Variants in HAPLN3 observed in about 807,000 individuals in gnomAD.
HAPLN3 encodes the protein hyaluronan and proteoglycan link protein 3, also known as extracellular link domain containing, 1.
Under a neutral mutation model 28.1 loss-of-function variants are expected in HAPLN3, and 28 were observed. The observed-to-expected ratio is 1.00, with a 90% CI of 0.74 to 1.37. The LOEUF is 1.37. HAPLN3 is among the 40% of genes most tolerant of loss of function. The pLI is 0.00. For missense variants in HAPLN3, 513 were observed against 504.6 expected, an observed-to-expected ratio of 1.02 and a Z score of -0.16; for synonymous variants, 211 against 213.1, an observed-to-expected ratio of 0.99 and a Z score of 0.09.
At position 88,879,083 on chromosome 15, in the gene HAPLN3, A is replaced by G. The variant is rs1185105280; in HGVS notation, c.680T>C (p.Met227Thr). The stretch of plus-strand genomic sequence containing the variant: ...GCCACCGCAGGGCTGCCGGGGCAAC[A>G]TGATGGGGTACTGCACCGTGGCATC... ...LQDATVQYPIMLPRQPCGGPG... is the reference protein window; with the variant it reads ...LQDATVQYPITLPRQPCGGPG... The change falls in exon 4 of 5, where the codon ATG becomes ACG. Residue 227 changes from methionine (M) to threonine (T), a missense_variant. Transcript: ENST00000359595. The surrounding 1 kb of genome is among the most constrained non-coding windows in gnomAD (Gnocchi z 5.0). The G allele has an allele frequency of 1.7e-5, 27 of 1,610,254 alleles. No individual in the cohort carries two copies. Among genetic ancestry groups the G allele is most frequent in the Non-Finnish European group, 2.3e-5 (27 of 1,178,272 alleles).
Position 88,881,634 on chromosome 15 carries a change from G to T in HAPLN3, c.216C>A (p.Tyr72Ter), listed in dbSNP as rs1373752600. ...GGGAGACCAGGGCCGGCTCGTAGCG[G>T]TAGCGGCAGGGCAGGATCACACTGG... ...QGASVILPCR[Y>*]RYEPALVSPR... The change falls in exon 3 of 5, where the codon TAC becomes TAA. Residue 72 changes from tyrosine (Y) to a stop codon, truncating the protein, a stop_gained. Coordinates refer to ENST00000359595, the MANE Select transcript of HAPLN3 (RefSeq NM_178232.4). LOFTEE classifies it high-confidence loss of function. This position sits in a 1 kb window ranked among gnomAD's most constrained non-coding sequence, Gnocchi z 6.0. The T allele has an allele frequency of 4.3e-6, 7 of 1,614,016 alleles. No individual in the cohort carries two copies. Among genetic ancestry groups the T allele is most frequent in the Non-Finnish European group, 5.9e-6 (7 of 1,180,042 alleles).
At position 88,881,356 on chromosome 15, in the gene HAPLN3, C is replaced by T; in HGVS notation, c.493+1G>A. 6.2e-7 allele frequency: 1 copy of T among 1,608,392 alleles called. No individual in the cohort carries two copies. The highest frequency in any genetic ancestry group is 8.5e-7 in the Non-Finnish European group (1 of 1,177,128). On this transcript the variant is annotated splice_donor_variant, in intron 3 of 4. Transcript: ENST00000359595. LOFTEE classifies it high-confidence loss of function. The surrounding 1 kb of genome is among the most constrained non-coding windows in gnomAD (Gnocchi z 6.0). The stretch of plus-strand genomic sequence containing the variant: ...TCACCCAGTCCCCGTTAGCATCTCA[C>T]CCCGCAGCTCCAGCTCCACCAGACC...
intron 2 of HAPLN3, among the ~76,000 whole-genome samples, chr15:88,886,372 T>C (rs1180733655): frequency 6.8e-6 from 1 of 147,166 alleles, no homozygotes; most frequent in Non-Finnish European, 1.5e-5. Flanking sequence ...AAAAAAGGTA[T>C]ATTTTCACCC....
intron 2 of HAPLN3, among the ~76,000 whole-genome samples, chr15:88,882,656 C>T (rs1222256011): frequency 2.0e-5 from 3 of 152,188 alleles, no homozygotes; most frequent in South Asian, 4.1e-4. Flanking sequence ...CTGTTGGGAC[C>T]TCACTGATTC....
intron 2 of HAPLN3, among the ~76,000 whole-genome samples, chr15:88,885,224 A>G (rs989700752): frequency 1.3e-5 from 2 of 152,204 alleles, no homozygotes; most frequent in Admixed American, 6.5e-5. Flanking sequence ...GGTGCTGGCT[A>G]TTACTGAGAC....
chr15:88,892,865 G>A, intron 1 of HAPLN3: 1 of 1,207,080 alleles, frequency 8.3e-7, no homozygotes, highest in Non-Finnish European at 1.1e-6. Context: ...TGAGGGGAGG[G>A]ATGGGTAGCC....
chr15:88,887,519 G>A (rs1197464619), intron 1 of HAPLN3, among the ~76,000 whole-genome samples, 174 bp from the exon 2 acceptor site: 2 of 152,224 alleles, frequency 1.3e-5, no homozygotes, highest in East Asian at 1.9e-4. Flanking sequence ...AGCTAGATGG[G>A]GTTCCTGCTT....
chr15:88,881,688 G>A lies in HAPLN3; in HGVS notation c.162C>T (p.Pro54=), dbSNP rs200941021. 49 of 1,613,420 alleles carry A rather than the reference G, an allele frequency of 3.0e-5. No individual in the cohort carries two copies. In the East Asian group the frequency reaches 8.7e-4, roughly 29 times the overall value. Residue 54 remains proline, a synonymous_variant, in exon 3 of 5, where the codon CCC becomes CCT. Coordinates refer to ENST00000359595, the MANE Select transcript of HAPLN3 (RefSeq NM_178232.4). This position sits in a 1 kb window ranked among gnomAD's most constrained non-coding sequence, Gnocchi z 6.0. ...LNGVKLVVET[P]EETLFTYQGA... is the part of the protein sequence containing the mutation. ...CTTGGTAGGTGAACAGGGTCTCCTC[G>A]GGTGTCTCCACCACCAGCTTCACTC...
At chr15:88,884,491 G>A (rs944316792) in intron 2 of HAPLN3, among the ~76,000 whole-genome samples, 1 of 152,160 alleles carries the variant, frequency 6.6e-6, no homozygotes, top group African/African-American at 2.4e-5. Context: ...GTGAACCCAG[G>A]AGGCAGAGCT....
rs182413020 is a variant in HAPLN3, at chr15:88,882,901, G to A, written c.125-1176C>T. ...GATGCTTGTGGTCCCAGCTACTCGGGAGGCTGAGGTGGGAGTATTGTTTCA... is the reference window on the plus strand; with the variant it reads ...GATGCTTGTGGTCCCAGCTACTCGGAAGGCTGAGGTGGGAGTATTGTTTCA... On this transcript the variant is annotated intron_variant, in intron 2 of 4. Coordinates refer to ENST00000359595, the MANE Select transcript of HAPLN3 (RefSeq NM_178232.4). Among the ~76,000 whole-genome samples, 20 of 152,292 alleles carry A rather than the reference G, an allele frequency of 1.3e-4. 1 individual carries two copies. Among genetic ancestry groups the A allele is most frequent in the Admixed American group, 1.3e-3 (20 of 15,300 alleles).
At chr15:88,886,006 A>T (rs1361585109) in intron 2 of HAPLN3, among the ~76,000 whole-genome samples, 4 of 152,258 alleles carry the variant, frequency 2.6e-5, no homozygotes, top group Admixed American at 2.6e-4. Flanking sequence ...GTGAGGGCAG[A>T]CAGCATCAAT....
At position 88,879,273 on chromosome 15, in the gene HAPLN3, C is replaced by A. The variant is rs1897629975; in HGVS notation, c.494-4G>T. ...GACTGGTAAGGAAAGACCACACCTG[C>A]AGGGGAAGGAAAGAGGAGCTTAGGG... On this transcript the variant is annotated splice_region_variant and splice_polypyrimidine_tract_variant and intron_variant, in intron 3 of 4. Coordinates refer to ENST00000359595, the MANE Select transcript of HAPLN3 (RefSeq NM_178232.4). This position sits in a 1 kb window ranked among gnomAD's most constrained non-coding sequence, Gnocchi z 5.0. The A allele has an allele frequency of 4.4e-6, 7 of 1,605,244 alleles. No individual in the cohort carries two copies. Among genetic ancestry groups the A allele is most frequent in the Non-Finnish European group, 6.0e-6 (7 of 1,175,896 alleles).
rs1420653464 is a variant in HAPLN3 at position 88,894,440 on chromosome 15, A to G, written c.-48+1019T>C. On this transcript the variant is annotated intron_variant, in intron 1 of 4. Coordinates refer to ENST00000359595, the MANE Select transcript of HAPLN3 (RefSeq NM_178232.4). ...TTCCGTGAGTACAAGTCCCCCAGGT[A>G]CCAGCAGGAGGCAGCATCGCCCGCG... Among the ~76,000 whole-genome samples the G allele has an allele frequency of 7.2e-5, 11 of 152,144 alleles. 1 individual carries two copies. Among genetic ancestry groups the G allele is most frequent in the Admixed American group, 5.9e-4 (9 of 15,284 alleles).
rs558620831 is a variant in HAPLN3, at chr15:88,888,299, G to T, written c.-47-954C>A. On this transcript the variant is annotated intron_variant, in intron 1 of 4. Transcript: ENST00000359595. The surrounding 1 kb of genome is among the most constrained non-coding windows in gnomAD (Gnocchi z 4.1). Reference sequence around the variant, plus strand: ...GTACAGACGGGGTTTCACCGCGTTAGCCAGGATGATCTCAATCTCCTGACC... The same window carrying T: ...GTACAGACGGGGTTTCACCGCGTTATCCAGGATGATCTCAATCTCCTGACC... Among the ~76,000 whole-genome samples, 1 of 152,082 alleles carries T rather than the reference G, an allele frequency of 6.6e-6. No individual in the cohort carries two copies. The highest frequency in any genetic ancestry group is 3.4e-3 in the Middle Eastern group (1 of 294).
chr15:88,882,408 G>A (rs7179459), intron 2 of HAPLN3, among the ~76,000 whole-genome samples: 25,842 of 152,178 alleles, frequency 0.17, 2,286 homozygotes, highest in East Asian at 0.23. Flanking sequence ...ATAGGGATCC[G>A]TCGGAGTTTC....
chr15:88,893,745 C>T (rs1259355155), intron 1 of HAPLN3, among the ~76,000 whole-genome samples: 2 of 151,906 alleles, frequency 1.3e-5, no homozygotes, highest in Non-Finnish European at 1.5e-5. Context: ...CTGGCCAACA[C>T]GGTGAAACCC....
At chr15:88,889,859 T>TA (rs753769928) in intron 1 of HAPLN3, among the ~76,000 whole-genome samples, 3 of 152,062 alleles carry the variant, frequency 2.0e-5, no homozygotes, top group Non-Finnish European at 4.4e-5. Context: ...AAGCAGAACA[T>TA]ACAATTGCCT....
chr15:88,892,141 C>T (rs1258534835), intron 1 of HAPLN3, among the ~76,000 whole-genome samples: 1 of 152,144 alleles, frequency 6.6e-6, no homozygotes, highest in Non-Finnish European at 1.5e-5. Context: ...TGTAACCTCA[C>T]ATTGAGGGGG....
At position 88,879,793 on chromosome 15, in the gene HAPLN3, G is replaced by A. The variant is rs1375332272; in HGVS notation, c.494-524C>T. ...GGGTTGGGGAAGGGCCTTCCATAAA[G>A]GAGGCTCAAGGGCAGGGAGGTCTGG... is the stretch of plus-strand genomic sequence containing the variant. On this transcript the variant is annotated intron_variant, in intron 3 of 4. Coordinates refer to ENST00000359595, the MANE Select transcript of HAPLN3 (RefSeq NM_178232.4). The surrounding 1 kb of genome is among the most constrained non-coding windows in gnomAD (Gnocchi z 5.0). 1 of 1,108,756 alleles carries A rather than the reference G, an allele frequency of 9.0e-7. No homozygotes were observed. Among genetic ancestry groups the A allele is most frequent in the Non-Finnish European group, 1.1e-6 (1 of 902,276 alleles). 68.7% of individuals were successfully genotyped at this position (1,108,756 alleles called of 1,614,324 possible).
Sources: gnomAD v4.1 joint callset for allele counts (sites outside exome capture counted in the v4.1 genomes callset) on GRCh38, gnomAD v4.1.1 for gene constraint, Gnocchi (gnomAD v3.1) non-coding constraint, MANE v1.5 for transcripts, NCBI Gene and HGNC (gene_info 2026-07-23, HGNC 2026-07-21) for gene names.